The following DMD variants were observed in gnomAD, a reference collection of about 807,000 sequenced individuals.
DMD encodes the protein mutant dystrophin.
Under a neutral mutation model 330.1 loss-of-function variants are expected in DMD, and 63 were observed. The observed-to-expected ratio is 0.19, with a 90% CI of 0.16 to 0.24. The LOEUF is 0.24. Ranked by LOEUF, DMD falls within the 10% of genes least tolerant of loss-of-function variation. DMD has a pLI of 1.00. For missense variants in DMD, 3,344 were observed against 2,684.1 expected, an observed-to-expected ratio of 1.25 and a Z score of -5.43; for synonymous variants, 1,223 against 959.8, an observed-to-expected ratio of 1.27 and a Z score of -5.07.
chrX:32,927,252 C>A (rs764653803), intron 2 of DMD, among the ~76,000 whole-genome samples: 3 of 110,747 alleles, frequency 2.7e-5, no homozygotes, highest in Admixed American at 9.7e-5. Context: ...TACTTATTTA[C>A]TTGGCACATG....
chrX:32,602,218 G>A (rs2056280529), intron 12 of DMD, among the ~76,000 whole-genome samples: 1 of 111,460 alleles, frequency 9.0e-6, no homozygotes, highest in African/African-American at 3.2e-5. Context: ...AATTTGCATG[G>A]GCAGACATAT....
intron 52 of DMD, 22 bp downstream of exon 52, chrX:31,729,609 C>A (rs752779998): frequency 8.8e-7 from 1 of 1,141,208 alleles, no homozygotes; most frequent in Admixed American, 2.2e-5. Context: ...TTTGTGTGTC[C>A]CATGCTTGTT....
intron 24 of DMD, among the ~76,000 whole-genome samples, chrX:32,463,886 G>A (rs1240899972): frequency 9.0e-6 from 1 of 111,587 alleles, no homozygotes; most frequent in African/African-American, 3.3e-5. Context: ...TGAAAATGAT[G>A]GGCTTCATAC....
intron 76 of DMD, among the ~76,000 whole-genome samples, chrX:31,138,969 T>G (rs1335798059): frequency 8.9e-6 from 1 of 112,226 alleles, no homozygotes; most frequent in Non-Finnish European, 1.9e-5. Context: ...CTTTTTTCAC[T>G]TATTCAACAA....
chrX:32,512,764 A>G, intron 18 of DMD, among the ~76,000 whole-genome samples: 1 of 112,415 alleles, frequency 8.9e-6, no homozygotes, highest in Non-Finnish European at 1.9e-5. Context: ...CGCTGCAACG[A>G]GAGAGACAGC....
At chrX:32,395,315 A>T (rs897379376) in intron 30 of DMD, among the ~76,000 whole-genome samples, 9 of 111,493 alleles carry the variant, frequency 8.1e-5, no homozygotes, top group Admixed American at 1.9e-4. Context: ...CCCTATACTT[A>T]CAGAAGCCTT....
At chrX:32,734,443 C>T (rs1389764240) in intron 7 of DMD, among the ~76,000 whole-genome samples, 11 of 107,226 alleles carry the variant, frequency 1.0e-4, no homozygotes, top group African/African-American at 3.7e-4. Flanking sequence ...ATACGAAAGC[C>T]TGGCAGAGAC....
intron 17 of DMD, among the ~76,000 whole-genome samples, chrX:32,529,503 C>T (rs977389528): frequency 4.1e-5 from 4 of 98,724 alleles, no homozygotes; most frequent in Admixed American, 1.2e-4. Context: ...AAGCAATTCT[C>T]GTGCCTCAGC....
At chrX:31,200,737 A>G (rs1213024027) in intron 67 of DMD, among the ~76,000 whole-genome samples, 1 of 111,375 alleles carries the variant, frequency 9.0e-6, no homozygotes, top group Non-Finnish European at 1.9e-5. Context: ...GCTTTTCTCT[A>G]AAACTAGTAT....
chrX:33,059,315 C>A (rs908418797), intron 1 of DMD, among the ~76,000 whole-genome samples: 1 of 111,083 alleles, frequency 9.0e-6, no homozygotes, highest in African/African-American at 3.3e-5. Context: ...TTCAGAGACT[C>A]TCATATTATT....
chrX:32,714,542 C>A (rs760855602), intron 7 of DMD, among the ~76,000 whole-genome samples: 2 of 111,188 alleles, frequency 1.8e-5, no homozygotes, highest in Non-Finnish European at 3.8e-5. Flanking sequence ...ATATACACAC[C>A]ACATTATCTT....
chrX:31,219,622 C>T (rs370817303), intron 64 of DMD, among the ~76,000 whole-genome samples: 1 of 110,566 alleles, frequency 9.0e-6, no homozygotes, highest in East Asian at 2.8e-4. Flanking sequence ...TCTTCCCTCC[C>T]TTGGGCTCTG....
At position 32,266,318 on chromosome X, in the gene DMD, T is replaced by C. The variant is rs763821066; in HGVS notation, c.6290+21211A>G. ...GTTTTCCCTGAGGCCTCCCCAGCCATGTGGAACTGTGAGTCAATTAAACCT... is the reference window on the plus strand; with the variant it reads ...GTTTTCCCTGAGGCCTCCCCAGCCACGTGGAACTGTGAGTCAATTAAACCT... On this transcript the variant is annotated intron_variant, in intron 43 of 78. Transcript: ENST00000357033. 8.0e-5 allele frequency among the ~76,000 whole-genome samples: 9 copies of C among 111,848 alleles called. No homozygotes were observed. In the East Asian group the frequency reaches 2.3e-3, roughly 28 times the overall value.
intron 11 of DMD, among the ~76,000 whole-genome samples, chrX:32,623,232 G>A (rs759064539): frequency 7.8e-4 from 87 of 111,789 alleles, no homozygotes; most frequent in Non-Finnish European, 1.4e-3. Flanking sequence ...GTGAATTATA[G>A]GCCAGAGTTT....
intron 51 of DMD, among the ~76,000 whole-genome samples, chrX:31,768,401 CT>C (rs2090134386): frequency 9.1e-6 from 1 of 109,359 alleles, no homozygotes. Context: ...CCTTTCTTGT[CT>C]TTTTTTCTTT....
chrX:32,331,430 T>A (rs2148722728), intron 41 of DMD, among the ~76,000 whole-genome samples: 1 of 112,021 alleles, frequency 8.9e-6, no homozygotes, highest in South Asian at 3.7e-4. Context: ...ATAGTAAAAC[T>A]GCACATATCA....
At chrX:32,560,336 T>C (rs2050848106) in intron 16 of DMD, among the ~76,000 whole-genome samples, 1 of 111,352 alleles carries the variant, frequency 9.0e-6, no homozygotes, top group Non-Finnish European at 1.9e-5. Context: ...ATGACTAATA[T>C]ACCCTTTCAA....
At chrX:32,440,691 T>C (rs1420343114) in intron 28 of DMD, among the ~76,000 whole-genome samples, 2 of 112,022 alleles carry the variant, frequency 1.8e-5, no homozygotes, top group African/African-American at 3.2e-5. Flanking sequence ...TTACATTTTA[T>C]GAATACTTTA....
At chrX:31,544,063 G>A (rs1021292595) in intron 55 of DMD, among the ~76,000 whole-genome samples, 16 of 111,395 alleles carry the variant, frequency 1.4e-4, no homozygotes, top group African/African-American at 4.6e-4. Flanking sequence ...ATGCGGCTGG[G>A]TGCGGTGGCT....
Sources: allele counts gnomAD v4.1 joint callset (sites outside exome capture counted in the v4.1 genomes callset), GRCh38; gene constraint gnomAD v4.1.1; transcripts MANE v1.5; gene names NCBI Gene and HGNC (gene_info 2026-07-23, HGNC 2026-07-21).